MSRB3: variants seen among roughly 807,000 people sequenced by gnomAD.
MSRB3 encodes the protein methionine-R-sulfoxide reductase B3.
Under a neutral mutation model 21.0 loss-of-function variants are expected in MSRB3, and 13 were observed. That is an observed-to-expected ratio of 0.62 (90% CI 0.40 to 0.98). The LOEUF (loss-of-function observed/expected upper bound fraction) is 0.98, where lower values mean the gene tolerates loss of function less well. Among genes scored for constraint, MSRB3 ranks in the 50% least tolerant of loss-of-function variants. The pLI, the probability that MSRB3 is intolerant of heterozygous loss-of-function variation, is 0.00. For missense variants in MSRB3, 199 were observed against 230.3 expected (o/e 0.86, Z 0.88); for synonymous variants, 87 against 88.6 (o/e 0.98, Z 0.10).
chr12:65,285,068 CCACCAGATGGAGTA>C (rs1429366427), intron 1 of MSRB3: 5 of 152,194 alleles, frequency 3.3e-5, no homozygotes, highest in Admixed American at 6.5e-5. Flanking sequence ...GATATGATTT[CCACCAGATGGAGTA>C]CTCTTTATAC....
chr12:65,296,893 G>A (rs527660976), intron 1 of MSRB3, among the ~76,000 whole-genome samples: 20 of 152,138 alleles, frequency 1.3e-4, no homozygotes, highest in South Asian at 1.0e-3. Context: ...GGAAGTGATA[G>A]GGAGAAGGAA....
chr12:65,328,372 A>G (rs1261447030), intron 3 of MSRB3, among the ~76,000 whole-genome samples, 154 bp from the exon 4 acceptor site: 2 of 152,144 alleles, frequency 1.3e-5, no homozygotes, highest in African/African-American at 2.4e-5. Flanking sequence ...TTTGAAATAT[A>G]TTAGTAAAGT....
intron 2 of MSRB3, among the ~76,000 whole-genome samples, chr12:65,313,638 A>T (rs1874122245): frequency 6.6e-6 from 1 of 152,118 alleles, no homozygotes; most frequent in South Asian, 2.1e-4. Context: ...AACTCGGATC[A>T]GAACACCGTG....
intron 5 of MSRB3, among the ~76,000 whole-genome samples, chr12:65,452,790 T>C (rs981692834): frequency 2.6e-5 from 4 of 152,184 alleles, no homozygotes; most frequent in Admixed American, 1.3e-4. Flanking sequence ...CTTAACGGGC[T>C]TCTTCCTTTC....
At chr12:65,328,261 GA>G (rs1173814360) in intron 3 of MSRB3, among the ~76,000 whole-genome samples, 1 of 150,772 alleles carries the variant, frequency 6.6e-6, no homozygotes, top group Non-Finnish European at 1.5e-5. Flanking sequence ...TTTTTTAATA[GA>G]AAAAAATCTT....
intron 5 of MSRB3, among the ~76,000 whole-genome samples, chr12:65,443,162 C>T (rs1250140280): frequency 1.3e-5 from 2 of 152,114 alleles, no homozygotes; most frequent in Middle Eastern, 3.4e-3. Flanking sequence ...AAATGTTGTG[C>T]AGGGCTCAAA....
At chr12:65,403,237 G>C (rs1239586346) in intron 5 of MSRB3, among the ~76,000 whole-genome samples, 1 of 152,230 alleles carries the variant, frequency 6.6e-6, no homozygotes, top group Non-Finnish European at 1.5e-5. Context: ...CTGTCCCAGG[G>C]AGATGGCAGT....
At chr12:65,281,222 A>G (rs1871996973) in intron 1 of MSRB3, among the ~76,000 whole-genome samples, 1 of 152,172 alleles carries the variant, frequency 6.6e-6, no homozygotes, top group African/African-American at 2.4e-5. Flanking sequence ...ATCTGGTCAC[A>G]ATCCCTCTAA....
At chr12:65,327,967 A>G (rs1014819885) in intron 3 of MSRB3, among the ~76,000 whole-genome samples, 3 of 152,214 alleles carry the variant, frequency 2.0e-5, no homozygotes, top group African/African-American at 7.2e-5. Context: ...TGGACCTCAT[A>G]AAGAGGGTGA....
chr12:65,310,497 A>G (rs1439953040), intron 2 of MSRB3, among the ~76,000 whole-genome samples: 2 of 148,388 alleles, frequency 1.3e-5, no homozygotes, highest in African/African-American at 4.8e-5. Flanking sequence ...TATGGAGGTT[A>G]TTTAGATTAT....
intron 5 of MSRB3, among the ~76,000 whole-genome samples, chr12:65,421,069 T>C (rs1159904810): frequency 6.6e-6 from 1 of 152,192 alleles, no homozygotes; most frequent in African/African-American, 2.4e-5. Context: ...TTAAACTCTT[T>C]TACACTCTCA....
intron 4 of MSRB3, among the ~76,000 whole-genome samples, chr12:65,331,953 G>A (rs1205825001): frequency 6.6e-6 from 1 of 152,204 alleles, no homozygotes; most frequent in Non-Finnish European, 1.5e-5. Flanking sequence ...AGCTTGTTAA[G>A]CAAGCATCCT....
At chr12:65,446,151 T>A (rs543358836) in intron 5 of MSRB3, among the ~76,000 whole-genome samples, 2 of 152,320 alleles carry the variant, frequency 1.3e-5, no homozygotes, top group African/African-American at 2.4e-5. Context: ...ATCCTTATAT[T>A]TGCAATGGCA....
chr12:65,310,468 G>A (rs189789033), intron 2 of MSRB3, among the ~76,000 whole-genome samples: 245 of 152,214 alleles, frequency 1.6e-3, no homozygotes, highest in Non-Finnish European at 3.0e-3. Flanking sequence ...ATGCTATACC[G>A]TACATATCAC....
At chr12:65,362,118 A>G (rs1251882243) in intron 4 of MSRB3, among the ~76,000 whole-genome samples, 1 of 152,190 alleles carries the variant, frequency 6.6e-6, no homozygotes, top group African/African-American at 2.4e-5. Context: ...TAATTCAGTG[A>G]GGACTCTAGA....
intron 5 of MSRB3, among the ~76,000 whole-genome samples, chr12:65,447,915 T>C (rs1882693506): frequency 6.6e-6 from 1 of 152,236 alleles, no homozygotes; most frequent in Non-Finnish European, 1.5e-5. Context: ...TACAGTTGTG[T>C]AATAAAGTCA....
At chr12:65,322,456 C>T (rs1034189758) in intron 2 of MSRB3, among the ~76,000 whole-genome samples, 4 of 151,660 alleles carry the variant, frequency 2.6e-5, no homozygotes, top group Admixed American at 6.6e-5. Context: ...GTCAGGAGTT[C>T]GAGACCTGGC....
At chr12:65,448,523 G>A (rs1056375815) in intron 5 of MSRB3, among the ~76,000 whole-genome samples, 19 of 152,102 alleles carry the variant, frequency 1.2e-4, no homozygotes, top group Non-Finnish European at 2.1e-4. Context: ...AATTTATAAT[G>A]TCTAAAACAG....
At chr12:65,367,749 T>G (rs528465653) in intron 4 of MSRB3, among the ~76,000 whole-genome samples, 5 of 152,220 alleles carry the variant, frequency 3.3e-5, no homozygotes, top group African/African-American at 1.2e-4. Flanking sequence ...GGCAGGGACA[T>G]GGAAGACAAA....
Sources: allele counts gnomAD v4.1 joint callset (sites outside exome capture counted in the v4.1 genomes callset), GRCh38; gene constraint gnomAD v4.1.1; transcripts MANE v1.5; gene names NCBI Gene and HGNC (gene_info 2026-07-23, HGNC 2026-07-21).